The following HCN4 variants were observed in gnomAD, a reference collection of about 807,000 sequenced individuals.
HCN4 encodes potassium/sodium hyperpolarization-activated cyclic nucleotide-gated channel 4.
HCN4 carries 29 observed loss-of-function variants against 76.9 expected under a neutral mutation model. That is an observed-to-expected ratio of 0.38 (90% confidence interval 0.28 to 0.51). The LOEUF (loss-of-function observed/expected upper bound fraction) is 0.51. Among genes scored for constraint, HCN4 ranks in the 20% least tolerant of loss-of-function variants. The pLI, the probability that HCN4 is intolerant of heterozygous loss-of-function variation, is 0.90. For missense variants in HCN4, 1,416 were observed against 1,715.2 expected (o/e 0.83, Z 3.08); for synonymous variants, 772 against 762.5 (o/e 1.01, Z -0.21).
In HCN4 at chr15:73,325,399, C is replaced by T. The variant is rs370884239; in HGVS notation, c.1636G>A (p.Asp546Asn). Residue 546 changes from aspartate to asparagine, a missense_variant, in exon 5 of 8, where the codon GAC becomes AAC. By Grantham distance (23) the Asp-to-Asn change is conservative. Around this residue, in one of 6 missense-constraint regions of HCN4, gnomAD observed 241 missense variants for 379.4 expected, o/e 0.64. Coordinates refer to ENST00000261917, the MANE Select transcript of HCN4 (RefSeq NM_005477.3). The surrounding 1 kb of genome is among the most constrained non-coding windows in gnomAD (Gnocchi z 7.4). Reference sequence around the variant, plus strand: ...TAGTCGTGGATGCGCTGCCGGGTGTCGGGCGGGAGCTTGTGAAAGGACATG... The same window carrying T: ...TAGTCGTGGATGCGCTGCCGGGTGTTGGGCGGGAGCTTGTGAAAGGACATG... ...QYMSFHKLPP[D>N]TRQRIHDYYE... The T allele has an allele frequency of 1.6e-4, 258 of 1,613,978 alleles. No homozygotes were observed. Among genetic ancestry groups the T allele is most frequent in the Non-Finnish European group, 2.0e-4 (241 of 1,179,996 alleles).
chr15:73,339,292 G>C (rs886434799), intron 2 of HCN4, among the ~76,000 whole-genome samples: 6 of 152,210 alleles, frequency 3.9e-5, no homozygotes, highest in African/African-American at 1.4e-4. Context: ...CATCCTCCAA[G>C]ATGGTGGCCC....
At position 73,350,730 on chromosome 15, in the gene HCN4, A is replaced by T. The variant is rs564317311; in HGVS notation, c.786-6922T>A. 1.5e-4 allele frequency among the ~76,000 whole-genome samples: 22 copies of T among 151,682 alleles called. 1 individual carries two copies. Among genetic ancestry groups the T allele is most frequent in the Admixed American group, 1.4e-3 (22 of 15,264 alleles). ...CTCTTCTACCTGCCCTTTTGATACCATCCCCATTTTCCTCCCCAGGGACCT... is the reference window on the plus strand; with the variant it reads ...CTCTTCTACCTGCCCTTTTGATACCTTCCCCATTTTCCTCCCCAGGGACCT... On this transcript the variant is annotated intron_variant, in intron 1 of 7. Transcript: ENST00000261917.
chr15:73,333,541 T>C (rs2042945512), intron 2 of HCN4, among the ~76,000 whole-genome samples: 1 of 152,186 alleles, frequency 6.6e-6, no homozygotes, highest in African/African-American at 2.4e-5. Context: ...CTGATACTAG[T>C]GACCGAAGAT....
intron 1 of HCN4, among the ~76,000 whole-genome samples, chr15:73,364,321 A>T (rs528557875): frequency 2.6e-4 from 39 of 152,200 alleles, no homozygotes; most frequent in Non-Finnish European, 4.9e-4. Flanking sequence ...CTAGATACAC[A>T]CACCCAGGCT....
chr15:73,360,084 CA>C (rs2043098349), intron 1 of HCN4, among the ~76,000 whole-genome samples: 1 of 152,220 alleles, frequency 6.6e-6, no homozygotes, highest in Admixed American at 6.5e-5. Flanking sequence ...TCTGCATCTT[CA>C]GAAAGGGGAA....
Position 73,321,554 on chromosome 15 carries a change from C to T in HCN4, c.*927G>A, listed in dbSNP as rs1363253047. The stretch of plus-strand genomic sequence containing the variant: ...CAATAAACAGAAGTTCCGCTCACCT[C>T]CCACTGTACAGATGGGCAAACTGAC... On this transcript the variant is annotated 3_prime_UTR_variant, in exon 8 of 8. Coordinates refer to ENST00000261917, the MANE Select transcript of HCN4 (RefSeq NM_005477.3). 2 of 152,686 alleles carry T rather than the reference C, an allele frequency of 1.3e-5. No homozygotes were observed. Among genetic ancestry groups the T allele is most frequent in the Non-Finnish European group, 2.9e-5 (2 of 68,070 alleles). 9.5% of individuals were successfully genotyped at this position (152,686 alleles called of 1,614,324 possible).
Position 73,367,996 on chromosome 15 carries a change from T to C in HCN4, c.275A>G (p.Asp92Gly). ...CAGGCTCCCGCGGAAGCGCCTGCAG[T>C]CGCCGTTCGTGCTGGACTTGCCCGC... ...RGAGKSSTNG[D>G]CRRFRGSLAS... is the part of the protein sequence containing the mutation. The change falls in exon 1 of 8, where the codon GAC becomes GGC. Residue 92 changes from aspartate to glycine, a missense_variant. Around this residue, in one of 6 missense-constraint regions of HCN4, gnomAD observed 355 missense variants for 347.8 expected, o/e 1.02. Transcript: ENST00000261917. This position sits in a 1 kb window ranked among gnomAD's most constrained non-coding sequence, Gnocchi z 7.5. 8 of 1,366,744 alleles carry C rather than the reference T, an allele frequency of 5.9e-6. No homozygotes were observed. In the South Asian group the frequency reaches 1.2e-4, roughly 21 times the overall value. The allele number at this position is 1,366,744 out of a possible 1,614,324, so 84.7% of individuals were successfully genotyped here.
At chr15:73,345,375 G>A (rs1044644834) in intron 1 of HCN4, among the ~76,000 whole-genome samples, 3 of 152,094 alleles carry the variant, frequency 2.0e-5, no homozygotes, top group Non-Finnish European at 2.9e-5. Flanking sequence ...GGCCTTATGG[G>A]GGATAAGGCC....
rs794727919 is a variant in HCN4 at position 73,322,730 on chromosome 15, C to G, written c.3363G>C (p.Arg1121Ser). 2 of 1,563,944 alleles carry G rather than the reference C, an allele frequency of 1.3e-6. No individual in the cohort carries two copies. Among genetic ancestry groups the G allele is most frequent in the African/African-American group, 2.7e-5 (2 of 74,110 alleles). ...ESMAAFPLFP[R>S]AGGGSGGSGS... ...CACTGCCCCCGCTGCCACCCCCAGCCCTGGGGAAGAGCGGGAAGGCAGCCA... is the reference window on the plus strand; with the variant it reads ...CACTGCCCCCGCTGCCACCCCCAGCGCTGGGGAAGAGCGGGAAGGCAGCCA... The change falls in exon 8 of 8, where the codon AGG becomes AGC. Residue 1121 changes from arginine to serine, a missense_variant. Physicochemically the swap from Arg to Ser is moderately radical, Grantham distance 110. Around this residue, in one of 6 missense-constraint regions of HCN4, gnomAD observed 633 missense variants for 579.8 expected, o/e 1.09. Coordinates refer to ENST00000261917, the MANE Select transcript of HCN4 (RefSeq NM_005477.3).
At chr15:73,329,127 G>A (rs996064857) in intron 4 of HCN4, among the ~76,000 whole-genome samples, 2 of 152,164 alleles carry the variant, frequency 1.3e-5, no homozygotes, top group African/African-American at 4.8e-5. Context: ...GGCGAGGCCC[G>A]GGCCACTGGG....
At chr15:73,324,883 T>C (rs2042889223) in intron 6 of HCN4, 72 bp downstream of exon 6, 2 of 1,591,730 alleles carry the variant, frequency 1.3e-6, no homozygotes, top group Admixed American at 1.7e-5. Context: ...ACTGCCTCTG[T>C]CCCCTCGGTA....
Position 73,343,352 on chromosome 15 carries a change from C to T in HCN4, c.1209+33G>A. 6.2e-7 allele frequency: 1 copy of T among 1,609,072 alleles called. No homozygotes were observed. The highest frequency in any genetic ancestry group is 8.5e-7 in the Non-Finnish European group (1 of 1,176,458). On this transcript the variant is annotated intron_variant, in intron 2 of 7. Transcript: ENST00000261917. This position sits in a 1 kb window ranked among gnomAD's most constrained non-coding sequence, Gnocchi z 5.7. ...CCTCACTCCCTCTGTGGGGAGTGGC[C>T]TTTCCCCCAAGAGGTTTGCACTGAC...
chr15:73,350,089 T>C (rs1233232778), intron 1 of HCN4, among the ~76,000 whole-genome samples: 2 of 152,210 alleles, frequency 1.3e-5, no homozygotes, highest in Non-Finnish European at 2.9e-5. Flanking sequence ...CCTGCCCTTC[T>C]TTCCTGCCGG....
chr15:73,357,808 C>G (rs1260359985), intron 1 of HCN4, among the ~76,000 whole-genome samples: 2 of 152,054 alleles, frequency 1.3e-5, no homozygotes, highest in African/African-American at 4.8e-5. Flanking sequence ...AACAAGGCCC[C>G]TAGGTAAGAG....
At position 73,325,790 on chromosome 15, in the gene HCN4, T is replaced by C. The variant is rs551685024; in HGVS notation, c.1591-346A>G. On this transcript the variant is annotated intron_variant, in intron 4 of 7. Coordinates refer to ENST00000261917, the MANE Select transcript of HCN4 (RefSeq NM_005477.3). This position sits in a 1 kb window ranked among gnomAD's most constrained non-coding sequence, Gnocchi z 7.4. ...AGGTCGATCACATTTCCTTGGAATGTTACACTGGGGACAGGGAGGCCTCAC... is the reference window on the plus strand; with the variant it reads ...AGGTCGATCACATTTCCTTGGAATGCTACACTGGGGACAGGGAGGCCTCAC... Among the ~76,000 whole-genome samples, 1 of 152,240 alleles carries C rather than the reference T, an allele frequency of 6.6e-6. No homozygotes were observed. Among genetic ancestry groups the C allele is most frequent in the African/African-American group, 2.4e-5 (1 of 41,540 alleles).
At chr15:73,341,501 C>T (rs946178546) in intron 2 of HCN4, among the ~76,000 whole-genome samples, 19 of 152,208 alleles carry the variant, frequency 1.2e-4, no homozygotes, top group African/African-American at 4.6e-4. Context: ...GCTTTATAAA[C>T]ATCAGGTACA....
At chr15:73,330,969 G>C (rs2042929135) in intron 3 of HCN4, among the ~76,000 whole-genome samples, 1 of 152,210 alleles carries the variant, frequency 6.6e-6, no homozygotes, top group African/African-American at 2.4e-5. Context: ...TCATCAAAAG[G>C]CTGTTTTGTA....
In HCN4 at chr15:73,328,790, G is replaced by A. The variant is rs994634693; in HGVS notation, c.1590+783C>T. On this transcript the variant is annotated intron_variant, in intron 4 of 7. Coordinates refer to ENST00000261917, the MANE Select transcript of HCN4 (RefSeq NM_005477.3). This position sits in a 1 kb window ranked among gnomAD's most constrained non-coding sequence, Gnocchi z 4.0. ...CCCAGGGAGAGATGAAGCTGGGGAC[G>A]GGGGAAGGTGGTTGGGATGCAGAGA... 2.0e-5 allele frequency among the ~76,000 whole-genome samples: 3 copies of A among 152,172 alleles called. No homozygotes were observed. Among genetic ancestry groups the A allele is most frequent in the South Asian group, 2.1e-4 (1 of 4,830 alleles).
In HCN4 at chr15:73,367,917, A is replaced by G; in HGVS notation, c.354T>C (p.Ser118=). 7.3e-7 allele frequency: 1 copy of G among 1,378,944 alleles called. No individual in the cohort carries two copies. The highest frequency in any genetic ancestry group is 9.4e-7 in the Non-Finnish European group (1 of 1,069,456). 85.4% of individuals were successfully genotyped at this position (1,378,944 alleles called of 1,614,324 possible). A position where few individuals can be genotyped will look rare whatever the true frequency, so the allele number is the denominator to read the frequency against. The change falls in exon 1 of 8, where the codon AGT becomes AGC. Residue 118 remains serine (S), a synonymous_variant. Transcript: ENST00000261917. The surrounding 1 kb of genome is among the most constrained non-coding windows in gnomAD (Gnocchi z 7.5). ...CCGCGGAGTCATGCAGGTGTCCGTG[A>G]CTGCTGCCGCTCCCCGTGCCGCCGC... is the stretch of plus-strand genomic sequence containing the variant. ...GGSGGTGSGS[S]HGHLHDSAEE...
Sources: allele counts gnomAD v4.1 joint callset (sites outside exome capture counted in the v4.1 genomes callset), GRCh38; gene constraint gnomAD v4.1.1; regional missense constraint gnomAD v4.1.1; non-coding constraint Gnocchi (gnomAD v3.1); transcripts MANE v1.5; gene names NCBI Gene and HGNC (gene_info 2026-07-23, HGNC 2026-07-21).